The following GALNT10 variants were observed in gnomAD, a reference collection of about 807,000 sequenced individuals.
GALNT10 encodes the protein polypeptide N-acetylgalactosaminyltransferase 10.
Under a neutral mutation model 75.0 loss-of-function variants are expected in GALNT10, and 41 were observed. That is an observed-to-expected ratio of 0.55 (90% CI 0.43 to 0.71). GALNT10 has a LOEUF of 0.71. Ranked by LOEUF, GALNT10 falls within the 30% of genes least tolerant of loss-of-function variation. The pLI is 0.00. For missense variants in GALNT10, 727 were observed against 818.5 expected (o/e 0.89, Z 1.36); for synonymous variants, 302 against 313.0 (o/e 0.96, Z 0.37).
chr5:154,298,072 C>A lies in GALNT10; in HGVS notation c.394C>A (p.His132Asn), dbSNP rs973621370. 2.5e-6 allele frequency: 4 copies of A among 1,612,696 alleles called. No homozygotes were observed. In the African/African-American group the frequency reaches 5.3e-5, roughly 22 times the overall value. The change falls in exon 3 of 12, where the codon CAC becomes AAC. Residue 132 changes from histidine to asparagine, a missense_variant. By Grantham distance (68) the His-to-Asn change is moderately conservative. Transcript: ENST00000297107. The surrounding 1 kb of genome is among the most constrained non-coding windows in gnomAD (Gnocchi z 4.1). The part of the protein sequence containing the change: ...SLNRSLPDIR[H>N]PNCNSKRYLE... ...GAATCGCTCTCTCCCAGATATCCGG[C>A]ACCCAAAGTGAGTGTAACATCTCTC... is the stretch of plus-strand genomic sequence containing the variant.
intron 1 of GALNT10, among the ~76,000 whole-genome samples, chr5:154,215,879 C>A (rs1272058509): frequency 6.6e-6 from 1 of 152,214 alleles, no homozygotes; most frequent in Non-Finnish European, 1.5e-5. Context: ...TGGCAGGGCC[C>A]TCTTAGCTCT....
At chr5:154,390,783 A>G (rs1201525941) in intron 7 of GALNT10, among the ~76,000 whole-genome samples, 3 of 152,224 alleles carry the variant, frequency 2.0e-5, no homozygotes, top group Non-Finnish European at 2.9e-5. Context: ...AAATGATTTC[A>G]TTCTATGTGT....
At position 154,409,657 on chromosome 5, in the gene GALNT10, C is replaced by T. The variant is rs1345465258; in HGVS notation, c.1281C>T (p.Arg427=). The T allele has an allele frequency of 6.2e-7, 1 of 1,613,930 alleles. No homozygotes were observed. The highest frequency in any genetic ancestry group is 1.7e-5 in the Admixed American group (1 of 60,004). Residue 427 remains arginine, a synonymous_variant, in exon 9 of 12, where the codon CGC becomes CGT. Coordinates refer to ENST00000297107, the MANE Select transcript of GALNT10 (RefSeq NM_198321.4). The surrounding 1 kb of genome is among the most constrained non-coding windows in gnomAD (Gnocchi z 4.5). ...ATGTCGCAGTCCAGAAAAAGCTCCG[C>T]AGCTCCCTTAACTGCAAGAGTTTCA... ...AGDVAVQKKL[R]SSLNCKSFKW... is the part of the protein sequence containing the mutation.
chr5:154,408,893 C>T (rs1756337602), intron 8 of GALNT10, among the ~76,000 whole-genome samples: 1 of 152,162 alleles, frequency 6.6e-6, no homozygotes, highest in South Asian at 2.1e-4. Context: ...TAGCTTCAGA[C>T]ATGGCTGGAT....
intron 1 of GALNT10, among the ~76,000 whole-genome samples, chr5:154,246,977 A>G (rs913332737): frequency 7.9e-5 from 12 of 152,088 alleles, no homozygotes; most frequent in South Asian, 2.1e-4. Flanking sequence ...ATCTTGAATT[A>G]ATTTTTGTAT....
intron 1 of GALNT10, among the ~76,000 whole-genome samples, chr5:154,267,603 G>T (rs1243205029): frequency 6.6e-6 from 1 of 152,200 alleles, no homozygotes; most frequent in African/African-American, 2.4e-5. Flanking sequence ...TTTGGCCCCA[G>T]TGTTGACCTC....
intron 4 of GALNT10, chr5:154,338,171 G>T: frequency 1.3e-6 from 1 of 789,570 alleles, no homozygotes; most frequent in South Asian, 1.3e-5. Context: ...AGCTCTCTTT[G>T]GTTCTGCAAC....
At chr5:154,225,971 C>T (rs562989582) in intron 1 of GALNT10, among the ~76,000 whole-genome samples, 16 of 150,216 alleles carry the variant, frequency 1.1e-4, no homozygotes, top group Non-Finnish European at 1.6e-4. Flanking sequence ...CATCACACAC[C>T]GGGGCCTGTT....
rs1753342596 is a variant in GALNT10 at position 154,241,938 on chromosome 5, G to C, written c.159+50913G>C. 2.0e-5 allele frequency among the ~76,000 whole-genome samples: 3 copies of C among 152,276 alleles called. No individual in the cohort carries two copies. The South Asian group carries it at 6.2e-4, about 32-fold the overall frequency. Reference sequence around the variant, plus strand: ...ACAAGACTTAGAAGTGGCATTAAGAGAAAGGATGCTGGAGTTTGGGAACAG... The same window carrying C: ...ACAAGACTTAGAAGTGGCATTAAGACAAAGGATGCTGGAGTTTGGGAACAG... On this transcript the variant is annotated intron_variant, in intron 1 of 11. Coordinates refer to ENST00000297107, the MANE Select transcript of GALNT10 (RefSeq NM_198321.4).
intron 4 of GALNT10, chr5:154,347,043 C>T: frequency 2.5e-6 from 1 of 395,436 alleles, no homozygotes; most frequent in African/African-American, 2.2e-5. Context: ...ATTGAAGATC[C>T]CAAACTTAAA....
intron 4 of GALNT10, among the ~76,000 whole-genome samples, chr5:154,333,861 C>T (rs1456817665): frequency 6.6e-6 from 1 of 152,206 alleles, no homozygotes; most frequent in Non-Finnish European, 1.5e-5. Context: ...TTGCAGCCTG[C>T]ATTTTTCAGA....
intron 7 of GALNT10, among the ~76,000 whole-genome samples, chr5:154,397,063 G>T (rs1756032072): frequency 1.3e-5 from 2 of 151,370 alleles, no homozygotes; most frequent in African/African-American, 4.8e-5. Context: ...GGAGCCGGAG[G>T]TTGCAGTGAA....
intron 1 of GALNT10, among the ~76,000 whole-genome samples, chr5:154,282,145 G>T (rs567479793): frequency 6.6e-6 from 1 of 152,330 alleles, no homozygotes; most frequent in East Asian, 1.9e-4. Context: ...CATCACATGG[G>T]TGAGAGAGAT....
At chr5:154,365,798 T>C (rs1401789478) in intron 4 of GALNT10, among the ~76,000 whole-genome samples, 1 of 152,034 alleles carries the variant, frequency 6.6e-6, no homozygotes, top group Non-Finnish European at 1.5e-5. Context: ...TTCTAAATTT[T>C]CCCCCCAGAA....
chr5:154,195,930 G>GT (rs932228317), intron 1 of GALNT10, among the ~76,000 whole-genome samples: 12 of 150,430 alleles, frequency 8.0e-5, no homozygotes, highest in South Asian at 2.1e-4. Flanking sequence ...TTTTGTTTTT[G>GT]TTTTTTTTTG....
chr5:154,415,128 A>C (rs905881289), intron 10 of GALNT10, among the ~76,000 whole-genome samples: 1 of 152,178 alleles, frequency 6.6e-6, no homozygotes, highest in Non-Finnish European at 1.5e-5. Context: ...CGTCTCAAAA[A>C]ACAAACAAAA....
chr5:154,412,702 G>A lies in GALNT10; in HGVS notation c.1387-187G>A. ...AGCAGTGCTTTAAGGATTACATTCT[G>A]TGGACTGAGTCTTCCTTCATTGAGA... is the stretch of plus-strand genomic sequence containing the variant. On this transcript the variant is annotated intron_variant, in intron 9 of 11. Transcript: ENST00000297107. This position sits in a 1 kb window ranked among gnomAD's most constrained non-coding sequence, Gnocchi z 4.2. 1 of 602,974 alleles carries A rather than the reference G, an allele frequency of 1.7e-6. No individual in the cohort carries two copies. The allele number at this position is 602,974 out of a possible 1,614,324, so 37.4% of individuals were successfully genotyped here.
At position 154,402,385 on chromosome 5, in the gene GALNT10, G is replaced by A. The variant is rs1057422410; in HGVS notation, c.1057-1719G>A. Among the ~76,000 whole-genome samples, 17 of 152,130 alleles carry A rather than the reference G, an allele frequency of 1.1e-4. No homozygotes were observed. The highest frequency in any genetic ancestry group is 3.9e-4 in the African/African-American group (16 of 41,416). On this transcript the variant is annotated intron_variant, in intron 7 of 11. Coordinates refer to ENST00000297107, the MANE Select transcript of GALNT10 (RefSeq NM_198321.4). The surrounding 1 kb of genome is among the most constrained non-coding windows in gnomAD (Gnocchi z 4.2). ...TGGTTCCACCTCAAACATCCCTTCCGAAGTGAGGCTTTCCCTGACTGGGGA... is the reference window on the plus strand; with the variant it reads ...TGGTTCCACCTCAAACATCCCTTCCAAAGTGAGGCTTTCCCTGACTGGGGA...
chr5:154,229,838 T>C (rs1753120434), intron 1 of GALNT10, among the ~76,000 whole-genome samples: 1 of 152,216 alleles, frequency 6.6e-6, no homozygotes, highest in Admixed American at 6.5e-5. Flanking sequence ...ATAAAGAGCA[T>C]TTGATAAACA....
Sources: gnomAD v4.1 joint callset for allele counts (sites outside exome capture counted in the v4.1 genomes callset) on GRCh38, gnomAD v4.1.1 for gene constraint, Gnocchi (gnomAD v3.1) non-coding constraint, MANE v1.5 for transcripts, NCBI Gene and HGNC (gene_info 2026-07-23, HGNC 2026-07-21) for gene names.